EPN2: variants seen among roughly 807,000 people sequenced by gnomAD.
EPN2 encodes the protein epsin 2.
In EPN2, 34 loss-of-function variants were observed where a neutral mutation model predicts 61.7. The observed-to-expected ratio is 0.55, with a 90% CI of 0.42 to 0.73. The LOEUF (loss-of-function observed/expected upper bound fraction) is 0.73. EPN2 is among the 30% of genes least tolerant of loss of function. The probability of loss-of-function intolerance (pLI) is 0.00; values close to 1 mark genes in which losing one functional copy is unlikely to be tolerated. For missense variants in EPN2, 714 were observed against 839.2 expected, an observed-to-expected ratio of 0.85 and a Z score of 1.84; for synonymous variants, 349 against 353.6, an observed-to-expected ratio of 0.99 and a Z score of 0.15.
intron 7 of EPN2, among the ~76,000 whole-genome samples, chr17:19,318,259 G>A (rs949370113): frequency 2.0e-5 from 3 of 152,164 alleles, no homozygotes. Flanking sequence ...ATAAGAGTAG[G>A]GGGTTCTTGG....
At chr17:19,312,902 A>G in intron 6 of EPN2, 1 of 569,472 alleles carries the variant, frequency 1.8e-6, no homozygotes, top group Non-Finnish European at 3.1e-6. Flanking sequence ...GGGTTTAGCA[A>G]ACAGTAAATA....
At position 19,283,674 on chromosome 17, in the gene EPN2, G is replaced by C. The variant is rs775391940; in HGVS notation, c.555G>C (p.Glu185Asp). The C allele has an allele frequency of 1.4e-5, 22 of 1,610,130 alleles. No homozygotes were observed. In the African/African-American group the frequency reaches 2.8e-4, roughly 21 times the overall value. ...PNLSTSHSEQ[E>D]YGKAGGSPAS... Reference sequence around the variant, plus strand: ...TCTCCACCAGCCACTCGGAGCAGGAGTATGGCAAGGCCGGGGGCTCCCCGG... The same window carrying C: ...TCTCCACCAGCCACTCGGAGCAGGACTATGGCAAGGCCGGGGGCTCCCCGG... The change falls in exon 3 of 11, where the codon GAG becomes GAC. Residue 185 changes from glutamate to aspartate, a missense_variant. Coordinates refer to ENST00000314728, the MANE Select transcript of EPN2 (RefSeq NM_014964.5). This position sits in a 1 kb window ranked among gnomAD's most constrained non-coding sequence, Gnocchi z 7.0.
At chr17:19,271,370 T>A (rs1466332719) in intron 1 of EPN2, among the ~76,000 whole-genome samples, 1 of 152,032 alleles carries the variant, frequency 6.6e-6, no homozygotes, top group Non-Finnish European at 1.5e-5. Context: ...GTGCATAGAA[T>A]GCAAGGCAGG....
chr17:19,239,555 A>G (rs1195651119), intron 1 of EPN2, among the ~76,000 whole-genome samples: 2 of 152,206 alleles, frequency 1.3e-5, no homozygotes, highest in Admixed American at 6.5e-5. Flanking sequence ...TCACTGGGCT[A>G]TTCTTTTGTA....
rs78277440 is a variant in EPN2 at position 19,262,768 on chromosome 17, C to T, written c.-293-19187C>T. On this transcript the variant is annotated intron_variant, in intron 1 of 10. Coordinates refer to ENST00000314728, the MANE Select transcript of EPN2 (RefSeq NM_014964.5). ...CCCTCCCATTCTCTCCAGCCCCTGG[C>T]AACTATCAGTCTGCTTTCTGTCTCT... Among the ~76,000 whole-genome samples the T allele has an allele frequency of 6.4e-3, 972 of 152,302 alleles. 53 individuals are homozygous for T. In the East Asian group the frequency reaches 0.12, roughly 18 times the overall value.
rs539010231 is a variant in EPN2 at position 19,336,665 on chromosome 17, A to G, written c.*2411A>G. On this transcript the variant is annotated 3_prime_UTR_variant, in exon 11 of 11. Transcript: ENST00000314728. ...GGTGGCTGGTTTTGAACTTGTGTTGACTGTTGATACTTATTTACTGTATAA... is the reference window on the plus strand; with the variant it reads ...GGTGGCTGGTTTTGAACTTGTGTTGGCTGTTGATACTTATTTACTGTATAA... The G allele has an allele frequency of 6.5e-6, 1 of 152,706 alleles. No individual in the cohort carries two copies. Among genetic ancestry groups the G allele is most frequent in the Non-Finnish European group, 1.5e-5 (1 of 68,038 alleles). 9.5% of individuals were successfully genotyped at this position (152,706 alleles called of 1,614,324 possible). A position where few individuals can be genotyped will look rare whatever the true frequency, so the allele number is the denominator to read the frequency against.
chr17:19,251,030 C>T (rs1010467735), intron 1 of EPN2, among the ~76,000 whole-genome samples: 2 of 152,090 alleles, frequency 1.3e-5, no homozygotes, highest in African/African-American at 4.8e-5. Context: ...TCTCTTGTCC[C>T]CTCCTTTTCT....
At chr17:19,297,288 C>T (rs2045529604) in intron 4 of EPN2, 1 of 152,194 alleles carries the variant, frequency 6.6e-6, no homozygotes, top group African/African-American at 2.4e-5. Context: ...GAACTGAAGG[C>T]CAGGGCAAGA....
intron 1 of EPN2, among the ~76,000 whole-genome samples, chr17:19,263,628 C>G (rs2045166754): frequency 6.6e-6 from 1 of 152,214 alleles, no homozygotes; most frequent in South Asian, 2.1e-4. Flanking sequence ...ATGTTATCCT[C>G]TCTCTTGTGT....
chr17:19,279,509 G>C (rs1030929522), intron 1 of EPN2, among the ~76,000 whole-genome samples: 3 of 151,448 alleles, frequency 2.0e-5, no homozygotes, highest in Non-Finnish European at 4.4e-5. Flanking sequence ...CGCAATCTCA[G>C]CTCACTGCAA....
intron 1 of EPN2, among the ~76,000 whole-genome samples, chr17:19,276,773 G>GTTTTGTTTTTTTTTTTTTTTTT (rs1555598436): frequency 8.4e-6 from 1 of 119,328 alleles, no homozygotes; most frequent in African/African-American, 4.2e-5. Context: ...ATGAGAATAA[G>GTTTTGTTTTTTTTTTTTTTTTT]TTTTTTTTTT....
At chr17:19,265,497 G>A (rs2045187052) in intron 1 of EPN2, among the ~76,000 whole-genome samples, 1 of 152,200 alleles carries the variant, frequency 6.6e-6, no homozygotes, top group Non-Finnish European at 1.5e-5. Flanking sequence ...TGCTCTGCAT[G>A]GGGCAGAAAG....
intron 1 of EPN2, among the ~76,000 whole-genome samples, chr17:19,239,206 G>C (rs1037875656): frequency 6.6e-6 from 1 of 152,228 alleles, no homozygotes; most frequent in African/African-American, 2.4e-5. Context: ...AGAGTGCAGT[G>C]GCACGATCTC....
chr17:19,283,166 A>G lies in EPN2; in HGVS notation c.47A>G (p.Asn16Ser), dbSNP rs2045374097. 3 of 1,613,676 alleles carry G rather than the reference A, an allele frequency of 1.9e-6. No individual in the cohort carries two copies. The highest frequency in any genetic ancestry group is 1.3e-5 in the African/African-American group (1 of 74,898). Residue 16 changes from asparagine to serine, a missense_variant, in exon 3 of 11, where the codon AAT becomes AGT. This residue lies in a region of EPN2 where 304 missense variants were observed against 417.4 expected (regional missense o/e 0.73). Coordinates refer to ENST00000314728, the MANE Select transcript of EPN2 (RefSeq NM_014964.5). This position sits in a 1 kb window ranked among gnomAD's most constrained non-coding sequence, Gnocchi z 7.0. Reference protein sequence around the residue: ...IRRQMKNIVNNYSEAEIKVRE... With the variant: ...IRRQMKNIVNSYSEAEIKVRE... ...CGGCAGATGAAAAACATCGTGAACA[A>G]TTACTCAGAGGCAGAAATCAAAGTC...
Position 19,332,083 on chromosome 17 carries a change from C to G in EPN2, c.1627+15C>G, listed in dbSNP as rs752977719. ...CCTGGCACCAGGTAGGCTCTCATCC[C>G]AGGCTTCATCCATTGCCTGCTGTGC... On this transcript the variant is annotated intron_variant, in intron 10 of 10. Coordinates refer to ENST00000314728, the MANE Select transcript of EPN2 (RefSeq NM_014964.5). 3 of 1,590,378 alleles carry G rather than the reference C, an allele frequency of 1.9e-6. No individual in the cohort carries two copies. The highest frequency in any genetic ancestry group is 2.6e-6 in the Non-Finnish European group (3 of 1,167,158).
chr17:19,332,146 TC>T (rs1449020720), intron 10 of EPN2, 78 bp downstream of exon 10: 1 of 1,107,252 alleles, frequency 9.0e-7, no homozygotes, highest in Non-Finnish European at 1.3e-6. Context: ...TGGGGGCTCT[TC>T]CCACTGTGTG....
intron 1 of EPN2, among the ~76,000 whole-genome samples, chr17:19,245,905 T>C (rs2044942191): frequency 1.3e-5 from 2 of 152,026 alleles, no homozygotes; most frequent in African/African-American, 4.8e-5. Flanking sequence ...CCTCAGGTGA[T>C]CTGCCCGCCT....
chr17:19,269,525 A>C (rs1325138359), intron 1 of EPN2, among the ~76,000 whole-genome samples: 1 of 152,220 alleles, frequency 6.6e-6, no homozygotes, highest in Admixed American at 6.5e-5. Context: ...GTTCTGAAGA[A>C]CACGTTTTTA....
At chr17:19,241,599 A>G (rs2152197497) in intron 1 of EPN2, among the ~76,000 whole-genome samples, 1 of 152,002 alleles carries the variant, frequency 6.6e-6, no homozygotes, top group Non-Finnish European at 1.5e-5. Context: ...AAAAAAAAAA[A>G]AAAAAAATTG....
Sources: allele counts gnomAD v4.1 joint callset (sites outside exome capture counted in the v4.1 genomes callset), GRCh38; gene constraint gnomAD v4.1.1; regional missense constraint gnomAD v4.1.1; non-coding constraint Gnocchi (gnomAD v3.1); transcripts MANE v1.5; gene names NCBI Gene and HGNC (gene_info 2026-07-23, HGNC 2026-07-21).